DACH1: variants seen among roughly 807,000 people sequenced by gnomAD.
DACH1 encodes dachshund family transcription factor 1.
In DACH1, 12 loss-of-function variants were observed where a neutral mutation model predicts 54.2. The ratio of observed to expected loss-of-function variants is 0.22; its 90% CI spans 0.14 to 0.36. The LOEUF is 0.36. DACH1 is among the 10% of genes least tolerant of loss of function. The pLI is 1.00. For missense variants in DACH1, 805 were observed against 929.8 expected (o/e 0.87, Z 1.75); for synonymous variants, 386 against 366.2 (o/e 1.05, Z -0.62).
intron 1 of DACH1, among the ~76,000 whole-genome samples, chr13:71,773,438 T>C (rs1452195638): frequency 6.6e-6 from 1 of 151,940 alleles, no homozygotes; most frequent in Non-Finnish European, 1.5e-5. Context: ...GAATATATTC[T>C]AGCATTAATA....
chr13:71,487,860 TA>T (rs1258317645), intron 7 of DACH1, among the ~76,000 whole-genome samples: 2 of 152,184 alleles, frequency 1.3e-5, no homozygotes, highest in Non-Finnish European at 2.9e-5. Context: ...TATCTTATAA[TA>T]AACAATAATA....
At chr13:71,619,702 G>A (rs945300081) in intron 3 of DACH1, among the ~76,000 whole-genome samples, 1 of 151,894 alleles carries the variant, frequency 6.6e-6, no homozygotes, top group Non-Finnish European at 1.5e-5. Context: ...GTTAATGAGA[G>A]ATTCTTGGAA....
At chr13:71,857,982 T>C (rs1159931561) in intron 1 of DACH1, among the ~76,000 whole-genome samples, 3 of 151,666 alleles carry the variant, frequency 2.0e-5, no homozygotes, top group African/African-American at 7.2e-5. Flanking sequence ...ACTAATAAAA[T>C]ATCAGGATAC....
chr13:71,618,195 G>A (rs1258354096), intron 3 of DACH1, among the ~76,000 whole-genome samples: 1 of 152,012 alleles, frequency 6.6e-6, no homozygotes, highest in Non-Finnish European at 1.5e-5. Context: ...TCCCTGGTTG[G>A]AAAAAGTGAA....
At chr13:71,477,247 A>T (rs943462021) in intron 8 of DACH1, among the ~76,000 whole-genome samples, 9 of 149,958 alleles carry the variant, frequency 6.0e-5, no homozygotes, top group African/African-American at 2.0e-4. Flanking sequence ...CAGCCTCCCA[A>T]GTAGCTGGGA....
chr13:71,579,766 ATAAAAGG>A (rs1325272854), intron 3 of DACH1, among the ~76,000 whole-genome samples: 20 of 152,274 alleles, frequency 1.3e-4, no homozygotes, highest in Admixed American at 3.3e-4. Flanking sequence ...AATTATAAAG[ATAAAAGG>A]TAAAATACTA....
At position 71,557,167 on chromosome 13, in the gene DACH1, GC is replaced by G. The variant is rs1485505157; in HGVS notation, c.1436-10del. On this transcript the variant is annotated splice_polypyrimidine_tract_variant and intron_variant, in intron 5 of 10. Transcript: ENST00000613252. ...CCCATTCTGATGGACCGCTATTATG[GC>G]CCAAAAGAAAACAAACAAAACAAAA... The G allele has an allele frequency of 3.8e-6, 6 of 1,588,728 alleles. No homozygotes were observed. In the African/African-American group the frequency reaches 4.1e-5, roughly 11 times the overall value.
intron 3 of DACH1, among the ~76,000 whole-genome samples, chr13:71,596,339 A>T (rs932937675): frequency 6.6e-6 from 1 of 152,152 alleles, no homozygotes; most frequent in Admixed American, 6.5e-5. Flanking sequence ...AAATACTGGA[A>T]AATACAGAGA....
chr13:71,493,792 G>A (rs1251557283), intron 6 of DACH1, among the ~76,000 whole-genome samples: 1 of 151,966 alleles, frequency 6.6e-6, no homozygotes, highest in African/African-American at 2.4e-5. Flanking sequence ...CTATTATGAT[G>A]AAGAGTAACA....
intron 1 of DACH1, among the ~76,000 whole-genome samples, chr13:71,844,493 A>T (rs1355365722): frequency 6.6e-6 from 1 of 152,230 alleles, no homozygotes; most frequent in Admixed American, 6.5e-5. Context: ...TAAATATTTT[A>T]TAGAAATACT....
intron 1 of DACH1, among the ~76,000 whole-genome samples, chr13:71,811,320 TA>T (rs1041590069): frequency 6.6e-6 from 1 of 152,130 alleles, no homozygotes; most frequent in African/African-American, 2.4e-5. Context: ...AAAAAGTAGT[TA>T]TTTAAAAATA....
At chr13:71,623,241 T>C (rs907011906) in intron 3 of DACH1, among the ~76,000 whole-genome samples, 2 of 151,648 alleles carry the variant, frequency 1.3e-5, no homozygotes, top group African/African-American at 2.4e-5. Flanking sequence ...CAAAAACAAA[T>C]TATGAGAGAA....
Position 71,439,178 on chromosome 13 carries a change from A to G in DACH1, c.*1477T>C, listed in dbSNP as rs1242918362. The G allele has an allele frequency of 6.6e-6, 1 of 152,498 alleles. No individual in the cohort carries two copies. 9.4% of individuals were successfully genotyped at this position (152,498 alleles called of 1,614,324 possible). A position where few individuals can be genotyped will look rare whatever the true frequency, so the allele number is the denominator to read the frequency against. The stretch of plus-strand genomic sequence containing the variant: ...TGTGGTAATAAATAATGTTACGATC[A>G]TACAATTTTAAGATGACAGAAAAAT... On this transcript the variant is annotated 3_prime_UTR_variant, in exon 11 of 11. Coordinates refer to ENST00000613252, the MANE Select transcript of DACH1 (RefSeq NM_080759.6).
intron 10 of DACH1, among the ~76,000 whole-genome samples, chr13:71,442,797 T>C (rs577337298): frequency 2.6e-4 from 40 of 152,120 alleles, no homozygotes; most frequent in African/African-American, 8.7e-4. Context: ...GCTACATGGA[T>C]AATAATAGAA....
chr13:71,732,731 G>A (rs759695709), intron 1 of DACH1, among the ~76,000 whole-genome samples: 1 of 151,420 alleles, frequency 6.6e-6, no homozygotes, highest in Non-Finnish European at 1.5e-5. Context: ...TGTTTATTTT[G>A]TGGCTGATTT....
At chr13:71,593,652 G>A (rs1873887396) in intron 3 of DACH1, among the ~76,000 whole-genome samples, 2 of 152,050 alleles carry the variant, frequency 1.3e-5, no homozygotes, top group South Asian at 2.1e-4. Context: ...GTGGGAATAT[G>A]TAGAAGAAAA....
chr13:71,737,769 A>T (rs1197908234), intron 1 of DACH1, among the ~76,000 whole-genome samples: 1 of 152,174 alleles, frequency 6.6e-6, no homozygotes, highest in Non-Finnish European at 1.5e-5. Context: ...TATAAACTAG[A>T]GGCAATAGGA....
intron 1 of DACH1, among the ~76,000 whole-genome samples, chr13:71,818,023 G>C (rs1456340875): frequency 6.6e-6 from 1 of 151,846 alleles, no homozygotes; most frequent in Non-Finnish European, 1.5e-5. Flanking sequence ...ATGCTGGCCA[G>C]ACTGGTCTCA....
intron 1 of DACH1, among the ~76,000 whole-genome samples, chr13:71,760,039 A>G (rs1361306902): frequency 6.6e-6 from 1 of 152,166 alleles, no homozygotes; most frequent in Non-Finnish European, 1.5e-5. Flanking sequence ...AATTTCTCCC[A>G]TTATATCTGA....
Sources: gnomAD v4.1 joint callset for allele counts (sites outside exome capture counted in the v4.1 genomes callset) on GRCh38, gnomAD v4.1.1 for gene constraint, MANE v1.5 for transcripts, NCBI Gene and HGNC (gene_info 2026-07-23, HGNC 2026-07-21) for gene names.